LRRC20: variants seen among roughly 807,000 people sequenced by gnomAD.
LRRC20 encodes leucine rich repeat containing 20.
Under a neutral mutation model 14.4 loss-of-function variants are expected in LRRC20, and 11 were observed. The ratio of observed to expected loss-of-function variants is 0.77; its 90% CI spans 0.48 to 1.27. The LOEUF (loss-of-function observed/expected upper bound fraction) is 1.27, where lower values mean the gene tolerates loss of function less well. LRRC20 is among the 50% of genes most tolerant of loss of function. The pLI is 0.00. For missense variants in LRRC20, 219 were observed against 251.2 expected (o/e 0.87, Z 0.87); for synonymous variants, 121 against 107.3 (o/e 1.13, Z -0.79).
At chr10:70,323,242 T>C (rs11819727) in intron 4 of LRRC20, among the ~76,000 whole-genome samples, 2,372 of 151,764 alleles carry the variant, frequency 0.016, 56 homozygotes, top group African/African-American at 0.055. Context: ...CTCTCTGAGG[T>C]CCTGATGAGA....
rs1169384712 is a variant in LRRC20, at chr10:70,299,364, GGAGAGAACT to G, written c.*1981_*1989del. ...AGGCTCAGATCCCTGGAAGTGGCAG[GGAGAGAACT>G]GAGAGAAACTTCACCCTCTGCTCGG... On this transcript the variant is annotated 3_prime_UTR_variant, in exon 5 of 5. Coordinates refer to ENST00000446961, the MANE Select transcript of LRRC20 (RefSeq NM_001278212.2). 1 of 152,308 alleles carries G rather than the reference GGAGAGAACT, an allele frequency of 6.6e-6. No homozygotes were observed. Among genetic ancestry groups the G allele is most frequent in the Admixed American group, 6.5e-5 (1 of 15,282 alleles). The allele number at this position is 152,308 out of a possible 1,614,324, so 9.4% of individuals were successfully genotyped here. A position where few individuals can be genotyped will look rare whatever the true frequency, so the allele number is the denominator to read the frequency against.
At chr10:70,350,293 C>T (rs1209908204) in intron 2 of LRRC20, among the ~76,000 whole-genome samples, 2 of 152,142 alleles carry the variant, frequency 1.3e-5, no homozygotes, top group South Asian at 2.1e-4. Context: ...TTGGGGGAGG[C>T]GGTAGCAGTA....
intron 2 of LRRC20, among the ~76,000 whole-genome samples, chr10:70,368,898 C>T (rs967168384): frequency 1.3e-5 from 2 of 152,208 alleles, no homozygotes; most frequent in African/African-American, 4.8e-5. Flanking sequence ...TCTAGGATTA[C>T]AGGTGTGAGC....
chr10:70,366,680 T>C (rs1293049812), intron 2 of LRRC20, among the ~76,000 whole-genome samples: 1 of 152,156 alleles, frequency 6.6e-6, no homozygotes, highest in Non-Finnish European at 1.5e-5. Flanking sequence ...TAGTCAAACA[T>C]ATACTTAATA....
intron 2 of LRRC20, among the ~76,000 whole-genome samples, chr10:70,365,941 C>T (rs1264024777): frequency 1.3e-5 from 2 of 151,592 alleles, no homozygotes; most frequent in South Asian, 2.1e-4. Flanking sequence ...AGGTGGCAGG[C>T]GCGTGTAGTC....
intron 3 of LRRC20, among the ~76,000 whole-genome samples, chr10:70,331,067 G>A (rs1842520331): frequency 6.6e-6 from 1 of 152,292 alleles, no homozygotes; most frequent in Admixed American, 6.5e-5. Context: ...ACGTGGACTT[G>A]GGGATCTCTC....
rs761200803 is a variant in LRRC20 at position 70,323,866 on chromosome 10, C to T, written c.397G>A (p.Val133Ile). Residue 133 changes from valine (V) to isoleucine (I), a missense_variant, in exon 4 of 5, where the codon GTA becomes ATA. Val to Ile is a conservative substitution (Grantham distance 29). Transcript: ENST00000446961. Reference protein sequence around the residue: ...ETINLEENEIVDVPVEKLAAM... With the variant: ...ETINLEENEIIDVPVEKLAAM... ...CAGGTGGGCCAGGCCCACTCACCTA[C>T]GATCTCGTTCTCCTCCAGGTTGATG... 5.6e-6 allele frequency: 9 copies of T among 1,614,124 alleles called. No individual in the cohort carries two copies. Among genetic ancestry groups the T allele is most frequent in the South Asian group, 2.2e-5 (2 of 91,090 alleles).
intron 1 of LRRC20, among the ~76,000 whole-genome samples, chr10:70,379,964 G>A (rs1171025072): frequency 6.6e-6 from 1 of 152,180 alleles, no homozygotes; most frequent in Non-Finnish European, 1.5e-5. Context: ...GCTCCTAGGA[G>A]AATCTAATGC....
In LRRC20 at chr10:70,378,045, T is replaced by C. The variant is rs530829009; in HGVS notation, c.-63-1449A>G. The stretch of plus-strand genomic sequence containing the variant: ...CCAACTTGCTAGGTTAATATGAGGA[T>C]TGAGAGCACAAAATGTATACACCTG... On this transcript the variant is annotated intron_variant, in intron 1 of 4. Transcript: ENST00000446961. Among the ~76,000 whole-genome samples, 16 of 422 alleles carry C rather than the reference T, an allele frequency of 0.038. No homozygotes were observed. The South Asian group carries it at 0.39, about 10-fold the overall frequency. 0.3% of individuals were successfully genotyped at this position (422 alleles called of 152,430 possible).
intron 2 of LRRC20, among the ~76,000 whole-genome samples, chr10:70,374,905 T>C (rs780888006): frequency 2.0e-5 from 3 of 152,202 alleles, no homozygotes; most frequent in African/African-American, 7.2e-5. Flanking sequence ...TACTCTTAAC[T>C]ACCTTGATGA....
In LRRC20 at chr10:70,326,339, C is replaced by G. The variant is rs981447932; in HGVS notation, c.233-2309G>C. On this transcript the variant is annotated intron_variant, in intron 3 of 4. Coordinates refer to ENST00000446961, the MANE Select transcript of LRRC20 (RefSeq NM_001278212.2). Reference sequence around the variant, plus strand: ...ACACACACACACACACACACGCACGCGCCTGGGTACCAGCCCCACTGCAAA... The same window carrying G: ...ACACACACACACACACACACGCACGGGCCTGGGTACCAGCCCCACTGCAAA... Among the ~76,000 whole-genome samples, 136 of 152,046 alleles carry G rather than the reference C, an allele frequency of 8.9e-4. 1 individual carries two copies. Among genetic ancestry groups the G allele is most frequent in the Non-Finnish European group, 1.5e-4 (10 of 67,984 alleles).
chr10:70,380,980 G>C lies in LRRC20; in HGVS notation c.-64+1569C>G, dbSNP rs141631531. ...CAGGGGGAAGGGACAGGGGTGAGCA[G>C]CAGGTGCACAAAGAGATTCAGGAGA... On this transcript the variant is annotated intron_variant, in intron 1 of 4. Transcript: ENST00000446961. Among the ~76,000 whole-genome samples the C allele has an allele frequency of 1.7e-3, 252 of 152,342 alleles. 1 individual carries two copies. The highest frequency in any genetic ancestry group is 5.7e-3 in the African/African-American group (238 of 41,578).
chr10:70,312,085 G>A (rs1163668879), intron 4 of LRRC20, among the ~76,000 whole-genome samples: 1 of 152,172 alleles, frequency 6.6e-6, no homozygotes, highest in Admixed American at 6.5e-5. Flanking sequence ...GAGGGGTCAG[G>A]ACCTGGGGAA....
chr10:70,314,116 C>A (rs1284834729), intron 4 of LRRC20, among the ~76,000 whole-genome samples: 1 of 152,124 alleles, frequency 6.6e-6, no homozygotes, highest in Non-Finnish European at 1.5e-5. Flanking sequence ...GGGGAAACCA[C>A]CCCCATGATT....
intron 2 of LRRC20, among the ~76,000 whole-genome samples, chr10:70,361,353 G>A (rs1057309221): frequency 6.6e-6 from 1 of 152,226 alleles, no homozygotes; most frequent in African/African-American, 2.4e-5. Context: ...TGCCCTCAGG[G>A]AGCTTACGCC....
rs548500341 is a variant in LRRC20 at position 70,301,785 on chromosome 10, C to T, written c.401-277G>A. Among the ~76,000 whole-genome samples, 5 of 152,244 alleles carry T rather than the reference C, an allele frequency of 3.3e-5. No homozygotes were observed. The East Asian group carries it at 9.6e-4, about 29-fold the overall frequency. ...GCCATACAACCCAGCAATTTTACTCCTAGGTAGAACTGAAAGAATTAAAAA... is the reference window on the plus strand; with the variant it reads ...GCCATACAACCCAGCAATTTTACTCTTAGGTAGAACTGAAAGAATTAAAAA... On this transcript the variant is annotated intron_variant, in intron 4 of 4. Coordinates refer to ENST00000446961, the MANE Select transcript of LRRC20 (RefSeq NM_001278212.2).
intron 2 of LRRC20, among the ~76,000 whole-genome samples, chr10:70,373,164 T>G (rs1175952545): frequency 6.6e-6 from 1 of 152,198 alleles, no homozygotes; most frequent in Admixed American, 6.5e-5. Flanking sequence ...AATTTTCTGG[T>G]GCTAGATGTT....
intron 2 of LRRC20, among the ~76,000 whole-genome samples, chr10:70,367,012 G>A (rs905266890): frequency 2.0e-5 from 3 of 152,118 alleles, no homozygotes; most frequent in Middle Eastern, 3.2e-3. Context: ...CTACTCCTAT[G>A]TATTTATCTG....
In LRRC20 at chr10:70,300,398, G is replaced by C; in HGVS notation, c.*956C>G. Reference sequence around the variant, plus strand: ...GGGCCTCAGAAGAACCAGGTCATCAGGGCTTTGGGCGTTGGCCTGGGAGCT... The same window carrying C: ...GGGCCTCAGAAGAACCAGGTCATCACGGCTTTGGGCGTTGGCCTGGGAGCT... On this transcript the variant is annotated 3_prime_UTR_variant, in exon 5 of 5. Coordinates refer to ENST00000446961, the MANE Select transcript of LRRC20 (RefSeq NM_001278212.2). 1.0e-6 allele frequency: 1 copy of C among 985,502 alleles called. No homozygotes were observed. The allele number at this position is 985,502 out of a possible 1,614,324, so 61.0% of individuals were successfully genotyped here.
Sources: allele counts gnomAD v4.1 joint callset (sites outside exome capture counted in the v4.1 genomes callset), GRCh38; gene constraint gnomAD v4.1.1; transcripts MANE v1.5; gene names NCBI Gene and HGNC (gene_info 2026-07-23, HGNC 2026-07-21).